The following PTPRN2 variants were observed in gnomAD, a reference collection of about 807,000 sequenced individuals.
The protein encoded by PTPRN2 is protein tyrosine phosphatase receptor type N2.
PTPRN2 carries 74 observed loss-of-function variants against 118.8 expected under a neutral mutation model. The ratio of observed to expected loss-of-function variants is 0.62; its 90% CI spans 0.52 to 0.76. The LOEUF is 0.76. PTPRN2 is among the 30% of genes least tolerant of loss of function. The pLI is 0.00. For synonymous variants in PTPRN2, 641 were observed against 608.0 expected, an observed-to-expected ratio of 1.05 and a Z score of -0.80; for missense variants, 1,481 against 1,394.4, an observed-to-expected ratio of 1.06 and a Z score of -0.99.
rs1797919812 is a variant in PTPRN2, at chr7:157,539,661, C to T, written c.*1053G>A. The stretch of plus-strand genomic sequence containing the variant: ...GGCCGGTCGGCTGGTTTCTCACTTC[C>T]CTTCCAGGCTCTACGCAGTGCGTGC... On this transcript the variant is annotated 3_prime_UTR_variant, in exon 23 of 23. Transcript: ENST00000389418. The T allele has an allele frequency of 6.6e-6, 1 of 151,756 alleles. No individual in the cohort carries two copies. The highest frequency in any genetic ancestry group is 1.5e-5 in the Non-Finnish European group (1 of 68,076). 9.4% of individuals were successfully genotyped at this position (151,756 alleles called of 1,614,324 possible).
intron 2 of PTPRN2, among the ~76,000 whole-genome samples, chr7:158,360,024 C>T (rs965619192): frequency 6.6e-6 from 1 of 151,628 alleles, no homozygotes; most frequent in African/African-American, 2.4e-5. Context: ...CTCACCCAGA[C>T]AACCCACAGA....
intron 12 of PTPRN2, among the ~76,000 whole-genome samples, chr7:157,885,445 G>C (rs1368257250): frequency 6.6e-6 from 1 of 152,206 alleles, no homozygotes; most frequent in Admixed American, 6.5e-5. Flanking sequence ...GAGCAGAAGG[G>C]CATGGGGCTT....
In PTPRN2 at chr7:158,215,384, T is replaced by C. The variant is rs188100446; in HGVS notation, c.278-10111A>G. 1.1e-4 allele frequency among the ~76,000 whole-genome samples: 17 copies of C among 152,148 alleles called. No homozygotes were observed. The South Asian group carries it at 2.7e-3, about 24-fold the overall frequency. The stretch of plus-strand genomic sequence containing the variant: ...GCAACTGCGGGGCTATAACCAAAGA[T>C]ATAATATTCATGCTATCAGAGTTTC... On this transcript the variant is annotated intron_variant, in intron 3 of 22. Transcript: ENST00000389418.
intron 2 of PTPRN2, among the ~76,000 whole-genome samples, chr7:158,424,892 A>T (rs577934623): frequency 1.4e-5 from 2 of 141,216 alleles, no homozygotes; most frequent in Non-Finnish European, 3.1e-5. Context: ...CAGCACCCTC[A>T]AGAAGGTCCG....
At chr7:158,113,490 C>G (rs2335844) in intron 9 of PTPRN2, among the ~76,000 whole-genome samples, 49,124 of 152,040 alleles carry the variant, frequency 0.32, 8,127 homozygotes, top group Admixed American at 0.42. Context: ...AGGAGTAGGA[C>G]AATGGTAACA....
intron 6 of PTPRN2, among the ~76,000 whole-genome samples, chr7:158,146,411 G>A (rs1047266230): frequency 1.3e-5 from 2 of 152,018 alleles, no homozygotes; most frequent in African/African-American, 4.8e-5. Flanking sequence ...ATCAAAGCCT[G>A]GGAACAAACA....
chr7:158,183,430 C>A (rs149860642), intron 5 of PTPRN2, among the ~76,000 whole-genome samples: 1 of 152,238 alleles, frequency 6.6e-6, no homozygotes, highest in Non-Finnish European at 1.5e-5. Flanking sequence ...TTCCCACTCC[C>A]CCCTGGGTTA....
At chr7:157,545,289 CTGTA>C (rs1296499885) in intron 22 of PTPRN2, among the ~76,000 whole-genome samples, 1 of 136,194 alleles carries the variant, frequency 7.3e-6, no homozygotes, top group Non-Finnish European at 1.6e-5. Flanking sequence ...GTGTGCACGG[CTGTA>C]TGTGGGTGTG....
chr7:158,372,190 C>CA (rs1246599819), intron 2 of PTPRN2, among the ~76,000 whole-genome samples: 3 of 150,314 alleles, frequency 2.0e-5, no homozygotes, highest in African/African-American at 7.5e-5. Flanking sequence ...CAGAGCTGGA[C>CA]CCCCAACGCT....
Position 157,762,767 on chromosome 7 carries a change from GA to G in PTPRN2, c.1789-79831del, listed in dbSNP as rs113727495. On this transcript the variant is annotated intron_variant, in intron 12 of 22. Coordinates refer to ENST00000389418, the MANE Select transcript of PTPRN2 (RefSeq NM_002847.5). ...AATAATAAAAAAAAAAGAGAAAAAA[GA>G]AAAAACTTTTCAGAGCCAAAGGAGA... Among the ~76,000 whole-genome samples the G allele has an allele frequency of 1.9e-3, 285 of 152,034 alleles. 2 individuals carry two copies. Among genetic ancestry groups the G allele is most frequent in the African/African-American group, 6.2e-3 (259 of 41,458 alleles).
intron 10 of PTPRN2, among the ~76,000 whole-genome samples, chr7:158,092,956 G>A (rs186796609): frequency 1.3e-5 from 2 of 152,298 alleles, no homozygotes; most frequent in East Asian, 1.9e-4. Context: ...TTTGGCAATC[G>A]CTATTTTATA....
chr7:158,562,722 T>C (rs1586947418), intron 1 of PTPRN2, among the ~76,000 whole-genome samples: 1 of 152,164 alleles, frequency 6.6e-6, no homozygotes. Flanking sequence ...TGTTGAGTGA[T>C]AATGGCGTGA....
At chr7:158,356,179 A>C (rs957702992) in intron 2 of PTPRN2, among the ~76,000 whole-genome samples, 25 of 152,228 alleles carry the variant, frequency 1.6e-4, no homozygotes, top group African/African-American at 6.0e-4. Context: ...CCATTTCTGA[A>C]AATAAAGACA....
chr7:158,063,032 C>A (rs573956996), intron 11 of PTPRN2, among the ~76,000 whole-genome samples: 1 of 152,210 alleles, frequency 6.6e-6, no homozygotes, highest in Non-Finnish European at 1.5e-5. Flanking sequence ...CAGTTGGGCT[C>A]CTGAGTCTAG....
intron 11 of PTPRN2, among the ~76,000 whole-genome samples, chr7:157,912,061 C>T (rs969813463): frequency 6.6e-6 from 1 of 152,184 alleles, no homozygotes; most frequent in Non-Finnish European, 1.5e-5. Flanking sequence ...CCTTCTCACA[C>T]GTGTCTCCAG....
chr7:158,485,211 A>G (rs1009900056), intron 2 of PTPRN2, among the ~76,000 whole-genome samples: 2 of 151,974 alleles, frequency 1.3e-5, no homozygotes, highest in African/African-American at 4.8e-5. Context: ...GTCAGTCACC[A>G]TTCTTCCACC....
At chr7:157,951,918 C>T (rs994868137) in intron 11 of PTPRN2, among the ~76,000 whole-genome samples, 1 of 152,128 alleles carries the variant, frequency 6.6e-6, no homozygotes, top group Non-Finnish European at 1.5e-5. Context: ...CTGGCCTGGG[C>T]GCCCACTCAC....
intron 21 of PTPRN2, among the ~76,000 whole-genome samples, chr7:157,556,280 GCACA>G (rs550970531): frequency 1.5e-4 from 22 of 147,864 alleles, no homozygotes; most frequent in African/African-American, 3.8e-4. Context: ...ATATGCACAT[GCACA>G]CACACAGAGG....
At chr7:158,256,585 G>A (rs1304071135) in intron 3 of PTPRN2, among the ~76,000 whole-genome samples, 1 of 152,044 alleles carries the variant, frequency 6.6e-6, no homozygotes, top group Admixed American at 6.6e-5. Flanking sequence ...CGGGGGCGGG[G>A]GGGAACCTAG....
Sources: allele counts gnomAD v4.1 joint callset (sites outside exome capture counted in the v4.1 genomes callset), GRCh38; gene constraint gnomAD v4.1.1; transcripts MANE v1.5; gene names NCBI Gene and HGNC (gene_info 2026-07-23, HGNC 2026-07-21).